Variants in RALGAPB observed in about 807,000 individuals in gnomAD.
RALGAPB encodes the protein Ral GTPase activating protein non-catalytic subunit beta.
A neutral mutation model predicts 161.1 loss-of-function variants in RALGAPB; 25 were observed. The observed-to-expected ratio is 0.16, with a 90% confidence interval of 0.11 to 0.22. RALGAPB has a LOEUF of 0.22. Ranked by LOEUF, RALGAPB falls within the 10% of genes least tolerant of loss-of-function variation. The probability of loss-of-function intolerance (pLI) is 1.00; values close to 1 mark genes in which losing one functional copy is unlikely to be tolerated. For synonymous variants in RALGAPB, 629 were observed against 626.1 expected (o/e 1.00, Z -0.07); for missense variants, 1,391 against 1,815.2 (o/e 0.77, Z 4.25).
intron 20 of RALGAPB, among the ~76,000 whole-genome samples, chr20:38,550,676 A>G (rs2087345468): frequency 6.6e-6 from 1 of 152,196 alleles, no homozygotes; most frequent in African/African-American, 2.4e-5. Flanking sequence ...ATCACTTTCT[A>G]GAGATGCCCA....
At chr20:38,484,841 A>G (rs2122843486) in intron 1 of RALGAPB, among the ~76,000 whole-genome samples, 1 of 152,150 alleles carries the variant, frequency 6.6e-6, no homozygotes, top group South Asian at 2.1e-4. Flanking sequence ...GATTACAGGC[A>G]TGCACCACCA....
At chr20:38,516,410 A>G (rs751947694) in intron 7 of RALGAPB, 40 bp downstream of exon 7, 1 of 1,563,574 alleles carries the variant, frequency 6.4e-7, no homozygotes, top group Non-Finnish European at 8.7e-7. Flanking sequence ...GAAGAGCTTC[A>G]TTTAGATAAC....
chr20:38,516,448 G>A, intron 7 of RALGAPB, 78 bp downstream of exon 7: 1 of 1,262,890 alleles, frequency 7.9e-7, no homozygotes, highest in South Asian at 2.0e-5. Context: ...GGAGTTATTA[G>A]AAAACATCCG....
At position 38,576,243 on chromosome 20, in the gene RALGAPB, T is replaced by C. The variant is rs1275568679; in HGVS notation, c.*1276T>C. On this transcript the variant is annotated 3_prime_UTR_variant, in exon 30 of 30. Coordinates refer to ENST00000262879, the MANE Select transcript of RALGAPB (RefSeq NM_020336.4). ...TGCTTTCTTCTTTAGTAAGATTATTTTAAGAAAATAAGTGATATTTAAAGT... is the reference window on the plus strand; with the variant it reads ...TGCTTTCTTCTTTAGTAAGATTATTCTAAGAAAATAAGTGATATTTAAAGT... The C allele has an allele frequency of 6.5e-6, 1 of 152,674 alleles. No homozygotes were observed. The highest frequency in any genetic ancestry group is 1.9e-4 in the East Asian group (1 of 5,200). The allele number at this position is 152,674 out of a possible 1,614,324, so 9.5% of individuals were successfully genotyped here.
chr20:38,481,605 CAT>C, intron 1 of RALGAPB, among the ~76,000 whole-genome samples: 1 of 152,210 alleles, frequency 6.6e-6, no homozygotes, highest in East Asian at 1.9e-4. Flanking sequence ...CCTCCCATGA[CAT>C]ATGGGAATTG....
chr20:38,548,802 A>G lies in RALGAPB; in HGVS notation c.3009+7A>G. On this transcript the variant is annotated splice_region_variant and intron_variant, in intron 20 of 29. Coordinates refer to ENST00000262879, the MANE Select transcript of RALGAPB (RefSeq NM_020336.4). ...AGCAAAAGCAAATCAGAAGGTATTC[A>G]TCAGAAGTTACAGGGAAGTGTGTGT... is the stretch of plus-strand genomic sequence containing the variant. The G allele has an allele frequency of 6.3e-7, 1 of 1,593,990 alleles. No homozygotes were observed.
intron 13 of RALGAPB, 116 bp downstream of exon 13, chr20:38,526,158 G>A: frequency 1.7e-6 from 2 of 1,165,154 alleles, no homozygotes; most frequent in Non-Finnish European, 1.2e-6. Context: ...TACTTACTCT[G>A]AATCAGAGGC....
Position 38,488,403 on chromosome 20 carries a change from G to A in RALGAPB, c.-30G>A, listed in dbSNP as rs2122860480. The A allele has an allele frequency of 6.4e-7, 1 of 1,567,410 alleles. No individual in the cohort carries two copies. Among genetic ancestry groups the A allele is most frequent in the Non-Finnish European group, 8.7e-7 (1 of 1,148,916 alleles). Reference sequence around the variant, plus strand: ...ATGCATTTCTGTTTTGTCTTTTCAGGTGCCATTTGGATTGTACTTTAGTGG... The same window carrying A: ...ATGCATTTCTGTTTTGTCTTTTCAGATGCCATTTGGATTGTACTTTAGTGG... On this transcript the variant is annotated splice_region_variant and 5_prime_UTR_variant, in exon 2 of 30. The change creates a new upstream start codon in the 5' untranslated region. Transcript: ENST00000262879.
rs909995349 is a variant in RALGAPB, at chr20:38,554,015, A to G, written c.3311A>G (p.Glu1104Gly). The G allele has an allele frequency of 1.2e-6, 2 of 1,613,990 alleles. No homozygotes were observed. Among genetic ancestry groups the G allele is most frequent in the Admixed American group, 1.7e-5 (1 of 60,000 alleles). ...TGCAAGCCCCCGCCTCCTGCCCAGG[A>G]ATTCCAAACAGCCCGCCTTTTTCTC... ...TDCKPPPPAQ[E>G]FQTARLFLSH... is the part of the protein sequence containing the mutation. The change falls in exon 22 of 30, where the codon GAA (glutamate) becomes GGA (glycine). Residue 1104 changes from glutamate to glycine, a missense_variant. By Grantham distance (98) the Glu-to-Gly change is moderately conservative. Around this residue, in one of 3 missense-constraint regions of RALGAPB, gnomAD observed 436 missense variants for 527.0 expected, o/e 0.83. Transcript: ENST00000262879.
intron 20 of RALGAPB, among the ~76,000 whole-genome samples, chr20:38,550,287 A>T (rs2087331880): frequency 6.6e-6 from 1 of 152,220 alleles, no homozygotes; most frequent in Non-Finnish European, 1.5e-5. Flanking sequence ...TAAAACTTAA[A>T]GTATCATAAT....
intron 13 of RALGAPB, among the ~76,000 whole-genome samples, chr20:38,529,824 G>A (rs2086595499): frequency 6.6e-6 from 1 of 152,178 alleles, no homozygotes; most frequent in Admixed American, 6.5e-5. Flanking sequence ...CTGGGTGACG[G>A]AGTGAGGCTC....
Position 38,524,799 on chromosome 20 carries a change from A to G in RALGAPB, c.1641A>G (p.Gln547=), listed in dbSNP as rs1401861886. 1.9e-6 allele frequency: 3 copies of G among 1,608,120 alleles called. No homozygotes were observed. Among genetic ancestry groups the G allele is most frequent in the Non-Finnish European group, 1.7e-6 (2 of 1,175,584 alleles). ...CTAGATTTTACATGCTTTTAATTCA[A>G]GGTTTGCAGATAAATGATTATGTGT... is the stretch of plus-strand genomic sequence containing the variant. The part of the protein sequence containing the change: ...YLSRFYMLLI[Q]GLQINDYVCH... The change falls in exon 11 of 30, where the codon CAA becomes CAG. Residue 547 remains glutamine, a synonymous_variant. Transcript: ENST00000262879.
chr20:38,541,900 G>T (rs2145393875), intron 18 of RALGAPB, among the ~76,000 whole-genome samples: 2 of 152,302 alleles, frequency 1.3e-5, no homozygotes, highest in Middle Eastern at 3.4e-3. Context: ...GCAAGCCAGA[G>T]TACAGGGTGG....
At chr20:38,543,919 C>T (rs920507270) in intron 18 of RALGAPB, among the ~76,000 whole-genome samples, 4 of 152,162 alleles carry the variant, frequency 2.6e-5, no homozygotes, top group Non-Finnish European at 5.9e-5. Flanking sequence ...ACATGTGATC[C>T]GTGCTAGTGT....
chr20:38,525,485 C>T lies in RALGAPB; in HGVS notation c.1869C>T (p.Pro623=), dbSNP rs1209745541. 3.7e-6 allele frequency: 6 copies of T among 1,608,626 alleles called. No homozygotes were observed. The highest frequency in any genetic ancestry group is 2.7e-5 in the African/African-American group (2 of 74,698). Residue 623 remains proline (P), a synonymous_variant, in exon 12 of 30, where the codon CCC becomes CCT. Coordinates refer to ENST00000262879, the MANE Select transcript of RALGAPB (RefSeq NM_020336.4). ...TTAATATCCTGCTTTCTTTGTTGCC[C>T]CTCCCTCATCATTTTGGCACAGTCA... ...SSINILLSLL[P]LPHHFGTVKS...
intron 3 of RALGAPB, among the ~76,000 whole-genome samples, chr20:38,494,124 C>T (rs769678828): frequency 6.6e-6 from 1 of 152,200 alleles, no homozygotes. Context: ...ATACTTTCTG[C>T]ATCACTCTTG....
Position 38,546,274 on chromosome 20 carries a change from C to T in RALGAPB, c.2746C>T (p.Pro916Ser). The change falls in exon 19 of 30, where the codon CCT becomes TCT. Residue 916 changes from proline (P) to serine (S), a missense_variant. Physicochemically the swap from Pro to Ser is moderately conservative, Grantham distance 74 (BLOSUM62 -1). Around this residue, in one of 3 missense-constraint regions of RALGAPB, gnomAD observed 946 missense variants for 1,257.2 expected, o/e 0.75. Transcript: ENST00000262879. ...IMQLLGAFPS[P>S]SGPASPCSLV... The stretch of plus-strand genomic sequence containing the variant: ...GCAGTTGCTCGGCGCATTTCCTTCA[C>T]CTAGTGGTCCTGCCTCTCCTTGTAG... 1 of 1,614,122 alleles carries T rather than the reference C, an allele frequency of 6.2e-7. No homozygotes were observed. Among genetic ancestry groups the T allele is most frequent in the Middle Eastern group, 1.6e-4 (1 of 6,062 alleles).
At chr20:38,564,859 G>A (rs1055456300) in intron 24 of RALGAPB, among the ~76,000 whole-genome samples, 4 of 151,466 alleles carry the variant, frequency 2.6e-5, no homozygotes, top group Admixed American at 2.6e-4. Flanking sequence ...CTCTCTCTCT[G>A]TCTCTTCCTC....
intron 14 of RALGAPB, among the ~76,000 whole-genome samples, chr20:38,532,193 C>G (rs530076823): frequency 1.3e-5 from 2 of 152,200 alleles, no homozygotes; most frequent in Admixed American, 6.5e-5. Flanking sequence ...GTAGCTGGGA[C>G]TACAGGCGCC....
Sources: gnomAD v4.1 joint callset for allele counts (sites outside exome capture counted in the v4.1 genomes callset) on GRCh38, gnomAD v4.1.1 for gene constraint, gnomAD v4.1.1 regional missense constraint, MANE v1.5 for transcripts, NCBI Gene and HGNC (gene_info 2026-07-23, HGNC 2026-07-21) for gene names.